IL13RA2: variants seen among roughly 807,000 people sequenced by gnomAD.
The protein encoded by IL13RA2 is interleukin 13 receptor subunit alpha 2, also known as interleukin-13 receptor subunit alpha-2.
In IL13RA2, 25 loss-of-function variants were observed where a neutral mutation model predicts 34.1. The observed-to-expected ratio is 0.73, with a 90% CI of 0.53 to 1.03. The LOEUF (loss-of-function observed/expected upper bound fraction) is 1.03, where lower values mean the gene tolerates loss of function less well. Among genes scored for constraint, IL13RA2 ranks in the 50% least tolerant of loss-of-function variants. IL13RA2 has a pLI of 0.00. For synonymous variants in IL13RA2, 106 were observed against 100.4 expected, an observed-to-expected ratio of 1.06 and a Z score of -0.33; for missense variants, 297 against 280.9, an observed-to-expected ratio of 1.06 and a Z score of -0.41.
chrX:115,015,535 A>T (rs1191709843), intron 3 of IL13RA2, 135 bp downstream of exon 3: 26 of 521,750 alleles, frequency 5.0e-5, no homozygotes, highest in Non-Finnish European at 7.6e-5. Flanking sequence ...CATAGGAGAC[A>T]GAAGCGGGTG....
intron 2 of IL13RA2, 106 bp downstream of exon 2, chrX:115,017,070 T>G: frequency 2.0e-6 from 1 of 501,996 alleles, no homozygotes; most frequent in Non-Finnish European, 3.5e-6. Flanking sequence ...TACTAGTTAG[T>G]TATGCACTTC....
At chrX:115,015,248 C>T (rs782136777) in intron 3 of IL13RA2, among the ~76,000 whole-genome samples, 5 of 111,385 alleles carry the variant, frequency 4.5e-5, no homozygotes, top group South Asian at 7.5e-4. Flanking sequence ...ATATATACAA[C>T]GAACCATAAT....
At chrX:115,016,344 A>G (rs1602978106) in intron 2 of IL13RA2, among the ~76,000 whole-genome samples, 1 of 111,052 alleles carries the variant, frequency 9.0e-6, no homozygotes, top group East Asian at 2.8e-4. Flanking sequence ...TGTGTAAATT[A>G]TATCTCAGTA....
intron 9 of IL13RA2, 83 bp downstream of exon 9, chrX:115,005,114 A>G: frequency 1.8e-6 from 1 of 551,249 alleles, no homozygotes; most frequent in South Asian, 2.7e-5. Context: ...AAATTATAAA[A>G]TGTATCTCCA....
Position 115,015,746 on chromosome X carries a change from A to C in IL13RA2, c.170T>G (p.Leu57Arg). The part of the protein sequence containing the change: ...GYLYLQWQPP[L>R]SLDHFKECTV... ...GCATTCCTTAAAATGATCCAGAGACAGTGGGGGTTGCCATTGCAAATAGAG... is the reference window on the plus strand; with the variant it reads ...GCATTCCTTAAAATGATCCAGAGACCGTGGGGGTTGCCATTGCAAATAGAG... Residue 57 changes from leucine to arginine, a missense_variant, in exon 3 of 10, where the codon CTG becomes CGG. Leu to Arg is a moderately radical substitution (Grantham distance 102, BLOSUM62 -2). Transcript: ENST00000243213. The C allele has an allele frequency of 2.5e-6, 3 of 1,188,533 alleles. No individual in the cohort carries two copies. Among genetic ancestry groups the C allele is most frequent in the East Asian group, 3.0e-5 (1 of 33,750 alleles).
intron 5 of IL13RA2, among the ~76,000 whole-genome samples, chrX:115,012,777 C>CAA (rs112232206): frequency 0.012 from 1,194 of 95,821 alleles, 22 homozygotes; most frequent in African/African-American, 0.04. Flanking sequence ...AACAAACAAA[C>CAA]AAAAAAAAAA....
chrX:115,014,769 G>C (rs1441640029), intron 3 of IL13RA2, among the ~76,000 whole-genome samples, 195 bp from the exon 4 acceptor site: 1 of 111,251 alleles, frequency 9.0e-6, no homozygotes, highest in Non-Finnish European at 1.9e-5. Flanking sequence ...CATTTTATGA[G>C]ATCATTTGAA....
intron 8 of IL13RA2, among the ~76,000 whole-genome samples, chrX:115,006,538 C>T (rs5988194): frequency 0.048 from 5,305 of 110,434 alleles, 364 homozygotes; most frequent in African/African-American, 0.17. Context: ...CAGAAATTAG[C>T]CAGGCGTGGT....
chrX:115,009,210 T>A (rs2071696425), intron 7 of IL13RA2, among the ~76,000 whole-genome samples: 1 of 109,776 alleles, frequency 9.1e-6, no homozygotes, highest in East Asian at 2.9e-4. Flanking sequence ...TTGTGGGTTT[T>A]TTTTTTTAAT....
At chrX:115,010,942 T>C (rs1569507348) in intron 5 of IL13RA2, 114 bp from the exon 6 acceptor site, 3 of 364,433 alleles carry the variant, frequency 8.2e-6, no homozygotes, top group East Asian at 8.9e-5. Context: ...CATTTAATAA[T>C]GTACAATATT....
At position 115,017,169 on chromosome X, in the gene IL13RA2, C is replaced by T. The variant is rs1556510321; in HGVS notation, c.94+7G>A. ...ATTTAAAAACTATTCCATTAAAATCCATTTACCTTTTATCTCGGTGTCTGA... is the reference window on the plus strand; with the variant it reads ...ATTTAAAAACTATTCCATTAAAATCTATTTACCTTTTATCTCGGTGTCTGA... On this transcript the variant is annotated splice_region_variant and intron_variant, in intron 2 of 9. Transcript: ENST00000243213. 2.8e-6 allele frequency: 2 copies of T among 721,617 alleles called. No individual in the cohort carries two copies. Among genetic ancestry groups the T allele is most frequent in the Non-Finnish European group, 2.2e-6 (1 of 456,009 alleles). The allele number at this position is 721,617 out of a possible 1,213,427, so 59.5% of individuals were successfully genotyped here.
chrX:115,016,586 AAAT>A (rs1383202962), intron 2 of IL13RA2, among the ~76,000 whole-genome samples: 1 of 107,246 alleles, frequency 9.3e-6, no homozygotes, highest in Non-Finnish European at 1.9e-5. Flanking sequence ...AAATAATAAC[AAAT>A]AATAACTAAC....
In IL13RA2 at chrX:115,008,034, T is replaced by C. The variant is rs1556508044; in HGVS notation, c.895A>G (p.Asn299Asp). 8.7e-7 allele frequency: 1 copy of C among 1,151,697 alleles called. No homozygotes were observed. Among genetic ancestry groups the C allele is most frequent in the Admixed American group, 2.2e-5 (1 of 45,321 alleles). The allele number at this position is 1,151,697 out of a possible 1,213,427, so 94.9% of individuals were successfully genotyped here. ...ENETYTLKTT[N>D]ETRQLCFVVR... ...ACAAAGCATAATTGTCGGGTTTCAT[T>C]TGTTGTTTTCAAGGTGTATGTTTCA... Residue 299 changes from asparagine to aspartate, a missense_variant, in exon 8 of 10, where the codon AAT becomes GAT. Transcript: ENST00000243213.
Position 115,013,773 on chromosome X carries a change from A to G in IL13RA2, c.517T>C (p.Tyr173His). 1 of 1,043,493 alleles carries G rather than the reference A, an allele frequency of 9.6e-7. No homozygotes were observed. Among genetic ancestry groups the G allele is most frequent in the Non-Finnish European group, 1.3e-6 (1 of 751,344 alleles). 86.0% of individuals were successfully genotyped at this position (1,043,493 alleles called of 1,213,427 possible). A position where few individuals can be genotyped will look rare whatever the true frequency, so the allele number is the denominator to read the frequency against. Reference protein sequence around the residue: ...VLLDTNYNLFYWYEGLDHALQ... With the variant: ...VLLDTNYNLFHWYEGLDHALQ... ...TCTAATTATAAAAATACTTACCAGTAAAACAAGTTGTAATTGGTATCAAGA... is the reference window on the plus strand; with the variant it reads ...TCTAATTATAAAAATACTTACCAGTGAAACAAGTTGTAATTGGTATCAAGA... Residue 173 changes from tyrosine (Y) to histidine (H), a missense_variant, in exon 5 of 10, where the codon TAC becomes CAC. Physicochemically the swap from Tyr to His is moderately conservative, Grantham distance 83. Transcript: ENST00000243213.
chrX:115,006,188 G>A (rs1345129622), intron 8 of IL13RA2, among the ~76,000 whole-genome samples: 2 of 111,898 alleles, frequency 1.8e-5, no homozygotes, highest in Non-Finnish European at 3.8e-5. Context: ...ATTAACAGTG[G>A]GAAGGCAGGA....
chrX:115,006,939 C>T (rs2071687618), intron 8 of IL13RA2, among the ~76,000 whole-genome samples: 2 of 111,406 alleles, frequency 1.8e-5, no homozygotes, highest in African/African-American at 6.5e-5. Context: ...TTCCATATAG[C>T]TCTTGGTTGA....
chrX:115,012,544 C>A (rs2071709823), intron 5 of IL13RA2, among the ~76,000 whole-genome samples: 1 of 111,912 alleles, frequency 8.9e-6, no homozygotes, highest in African/African-American at 3.3e-5. Context: ...GTGGGCAGAT[C>A]ACTTGAGGTA....
Position 115,013,898 on chromosome X carries a change from C to G in IL13RA2, c.401-9G>C, listed in dbSNP as rs1397458586. 15 of 1,037,321 alleles carry G rather than the reference C, an allele frequency of 1.4e-5. No homozygotes were observed. Among genetic ancestry groups the G allele is most frequent in the Non-Finnish European group, 2.0e-5 (15 of 740,284 alleles). 85.5% of individuals were successfully genotyped at this position (1,037,321 alleles called of 1,213,427 possible). A position where few individuals can be genotyped will look rare whatever the true frequency, so the allele number is the denominator to read the frequency against. On this transcript the variant is annotated splice_polypyrimidine_tract_variant and intron_variant, in intron 4 of 9. Coordinates refer to ENST00000243213, the MANE Select transcript of IL13RA2 (RefSeq NM_000640.3). Reference sequence around the variant, plus strand: ...TTTAGTTTCTGGAATTCCTAAGGAACAAATCAACTGTGAATGTTTGAAAGG... The same window carrying G: ...TTTAGTTTCTGGAATTCCTAAGGAAGAAATCAACTGTGAATGTTTGAAAGG...
intron 5 of IL13RA2, among the ~76,000 whole-genome samples, chrX:115,011,041 G>C (rs966323190): frequency 2.7e-5 from 3 of 111,691 alleles, no homozygotes; most frequent in Admixed American, 9.5e-5. Flanking sequence ...ATTTCATGGA[G>C]CTTACAATTT....
Sources: gnomAD v4.1 joint callset for allele counts (sites outside exome capture counted in the v4.1 genomes callset) on GRCh38, gnomAD v4.1.1 for gene constraint, MANE v1.5 for transcripts, NCBI Gene and HGNC (gene_info 2026-07-23, HGNC 2026-07-21) for gene names.